The following ARHGAP24 variants were observed in gnomAD, a reference collection of about 807,000 sequenced individuals.
ARHGAP24 encodes the protein rho GTPase-activating protein 24.
ARHGAP24 carries 50 observed loss-of-function variants against 76.4 expected under a neutral mutation model. The ratio of observed to expected loss-of-function variants is 0.65; its 90% confidence interval spans 0.52 to 0.83. ARHGAP24 has a LOEUF of 0.83. Among genes scored for constraint, ARHGAP24 ranks in the 40% least tolerant of loss-of-function variants. The pLI is 0.00. For missense variants in ARHGAP24, 930 were observed against 914.2 expected, an observed-to-expected ratio of 1.02 and a Z score of -0.22; for synonymous variants, 345 against 323.3, an observed-to-expected ratio of 1.07 and a Z score of -0.72.
At chr4:85,688,137 A>G (rs912881001) in intron 2 of ARHGAP24, among the ~76,000 whole-genome samples, 2 of 152,048 alleles carry the variant, frequency 1.3e-5, no homozygotes, top group African/African-American at 4.8e-5. Context: ...AAGTTATTTG[A>G]GAGATCTCCA....
rs150322650 is a variant in ARHGAP24, at chr4:85,792,299, C to T, written c.268+70327C>T. On this transcript the variant is annotated intron_variant, in intron 3 of 9. Transcript: ENST00000395184. ...CAGGATTAAGAGAATTCAGAATATA[C>T]TGGTCCTGAAGAAACATCCTAAAAT... 3.0e-3 allele frequency among the ~76,000 whole-genome samples: 450 copies of T among 152,182 alleles called. 1 individual carries two copies. The highest frequency in any genetic ancestry group is 0.01 in the African/African-American group (436 of 41,526).
In ARHGAP24 at chr4:85,574,590, A is replaced by G. The variant is rs116792278; in HGVS notation, c.180+3869A>G. Among the ~76,000 whole-genome samples, 620 of 152,334 alleles carry G rather than the reference A, an allele frequency of 4.1e-3. 4 individuals carry two copies. The highest frequency in any genetic ancestry group is 0.014 in the African/African-American group (581 of 41,584). On this transcript the variant is annotated intron_variant, in intron 2 of 9. Coordinates refer to ENST00000395184, the MANE Select transcript of ARHGAP24 (RefSeq NM_001025616.3). Reference sequence around the variant, plus strand: ...AGTTAGAGAGAAACGGGGGGCCCCAATGGAAAAGGGGTTCCTTAGTAGGCA... The same window carrying G: ...AGTTAGAGAGAAACGGGGGGCCCCAGTGGAAAAGGGGTTCCTTAGTAGGCA...
chr4:85,589,272 T>C (rs1216788984), intron 2 of ARHGAP24, among the ~76,000 whole-genome samples: 1 of 152,206 alleles, frequency 6.6e-6, no homozygotes. Flanking sequence ...CATTTTCTCA[T>C]CTTAAACCAG....
chr4:85,487,580 C>T, intron 1 of ARHGAP24, among the ~76,000 whole-genome samples: 1 of 92,540 alleles, frequency 1.1e-5, no homozygotes, highest in Non-Finnish European at 1.9e-5. Context: ...ATATTTATTA[C>T]ATATTATATA....
chr4:85,872,127 C>G (rs1421809978), intron 3 of ARHGAP24, among the ~76,000 whole-genome samples: 1 of 151,708 alleles, frequency 6.6e-6, no homozygotes, highest in Admixed American at 6.6e-5. Flanking sequence ...TTGTTTTCAT[C>G]TAGCAAGTTA....
At chr4:85,716,389 T>C (rs1172529773) in intron 2 of ARHGAP24, among the ~76,000 whole-genome samples, 1 of 152,168 alleles carries the variant, frequency 6.6e-6, no homozygotes, top group Non-Finnish European at 1.5e-5. Context: ...TTTGAAGTTT[T>C]AAAGATTCTT....
chr4:85,477,464 T>A (rs1034511012), intron 1 of ARHGAP24, among the ~76,000 whole-genome samples: 2 of 152,172 alleles, frequency 1.3e-5, no homozygotes, highest in Admixed American at 1.3e-4. Context: ...GACTAGAACA[T>A]AGATTTAAGT....
intron 3 of ARHGAP24, among the ~76,000 whole-genome samples, chr4:85,818,463 G>T (rs577522014): frequency 1.3e-5 from 2 of 152,176 alleles, no homozygotes; most frequent in Admixed American, 1.3e-4. Flanking sequence ...CTTCAGAAAC[G>T]TGGTGAAGAA....
At chr4:85,985,126 G>T (rs1375580767) in intron 8 of ARHGAP24, among the ~76,000 whole-genome samples, 1 of 151,976 alleles carries the variant, frequency 6.6e-6, no homozygotes, top group Admixed American at 6.6e-5. Flanking sequence ...CCGGCCAGAA[G>T]AGTAACTCTT....
chr4:85,826,633 C>G (rs577707731), intron 3 of ARHGAP24, among the ~76,000 whole-genome samples: 95 of 152,292 alleles, frequency 6.2e-4, no homozygotes, highest in Non-Finnish European at 1.1e-3. Context: ...GGAAATGCAG[C>G]AAGTGCATTT....
At chr4:85,878,518 AT>A (rs1218402208) in intron 3 of ARHGAP24, among the ~76,000 whole-genome samples, 18 of 152,176 alleles carry the variant, frequency 1.2e-4, no homozygotes, top group Admixed American at 1.2e-3. Context: ...TTGATAAAAA[AT>A]AATAATTTAG....
intron 4 of ARHGAP24, among the ~76,000 whole-genome samples, chr4:85,931,829 G>A (rs1391718147): frequency 6.6e-6 from 1 of 152,184 alleles, no homozygotes; most frequent in Non-Finnish European, 1.5e-5. Context: ...TGGAATGGCT[G>A]TTTAAGTAGA....
rs113832450 is a variant in ARHGAP24 at position 85,780,237 on chromosome 4, G to A, written c.268+58265G>A. 1.6e-3 allele frequency among the ~76,000 whole-genome samples: 238 copies of A among 151,922 alleles called. 1 individual carries two copies. Among genetic ancestry groups the A allele is most frequent in the African/African-American group, 5.2e-3 (215 of 41,440 alleles). On this transcript the variant is annotated intron_variant, in intron 3 of 9. Coordinates refer to ENST00000395184, the MANE Select transcript of ARHGAP24 (RefSeq NM_001025616.3). Reference sequence around the variant, plus strand: ...CGCCCAGGCTGGAGTGCAATGGCACGCTCTTGGCTCACTGCAACCTCCACC... The same window carrying A: ...CGCCCAGGCTGGAGTGCAATGGCACACTCTTGGCTCACTGCAACCTCCACC...
At chr4:85,594,808 C>A (rs1728250616) in intron 2 of ARHGAP24, among the ~76,000 whole-genome samples, 1 of 151,962 alleles carries the variant, frequency 6.6e-6, no homozygotes, top group Non-Finnish European at 1.5e-5. Flanking sequence ...ACAAAAATAA[C>A]TAAAATATTG....
chr4:85,762,384 C>T lies in ARHGAP24; in HGVS notation c.268+40412C>T, dbSNP rs145080819. 4.9e-4 allele frequency among the ~76,000 whole-genome samples: 74 copies of T among 152,190 alleles called. No individual in the cohort carries two copies. The East Asian group carries it at 0.014, about 28-fold the overall frequency. On this transcript the variant is annotated intron_variant, in intron 3 of 9. Transcript: ENST00000395184. ...AGAACGAGAAGGAAAGGAAAGACAG[C>T]GATTGAAGCAAGATCCAGGAGAGGG...
rs116199632 is a variant in ARHGAP24 at position 85,995,519 on chromosome 4, G to A, written c.1865G>A (p.Arg622His). The change falls in exon 9 of 10, where the codon CGT becomes CAT. Residue 622 changes from arginine (R) to histidine (H), a missense_variant. Transcript: ENST00000395184. ...AGGAGTGTGGGAGGTCGAAGTAGTC[G>A]TGCCACCAGTAGCAGTGACAACAGT... ...DHRSVGGRSS[R>H]ATSSSDNSET... 280 of 1,605,068 alleles carry A rather than the reference G, an allele frequency of 1.7e-4. 1 individual carries two copies. In the East Asian group the frequency reaches 1.9e-3, roughly 11 times the overall value.
chr4:85,974,288 T>A (rs1224090047), intron 6 of ARHGAP24, among the ~76,000 whole-genome samples: 1 of 152,198 alleles, frequency 6.6e-6, no homozygotes, highest in Admixed American at 6.5e-5. Context: ...ACGCCTCAAA[T>A]ATTTACTATC....
chr4:85,524,099 C>T (rs1205099506), intron 1 of ARHGAP24, among the ~76,000 whole-genome samples: 2 of 151,992 alleles, frequency 1.3e-5, no homozygotes. Context: ...CACTCACAGG[C>T]TCATATGCAG....
At chr4:85,521,741 A>G (rs1403431739) in intron 1 of ARHGAP24, among the ~76,000 whole-genome samples, 1 of 152,168 alleles carries the variant, frequency 6.6e-6, no homozygotes, top group Non-Finnish European at 1.5e-5. Flanking sequence ...TCAGTTTAAA[A>G]TTCTGTTACA....
Sources: allele counts gnomAD v4.1 joint callset (sites outside exome capture counted in the v4.1 genomes callset), GRCh38; gene constraint gnomAD v4.1.1; transcripts MANE v1.5; gene names NCBI Gene and HGNC (gene_info 2026-07-23, HGNC 2026-07-21).